The following XIRP2 variants were observed in gnomAD, a reference collection of about 807,000 sequenced individuals.
XIRP2 encodes the protein xin actin-binding repeat-containing protein 2.
In XIRP2, 236 loss-of-function variants were observed where a neutral mutation model predicts 277.0. That is an observed-to-expected ratio of 0.85 (90% CI 0.77 to 0.95). The LOEUF is 0.95. Ranked by LOEUF, XIRP2 falls within the 40% of genes least tolerant of loss-of-function variation. The probability of loss-of-function intolerance (pLI) is 0.00; values close to 1 mark genes in which losing one functional copy is unlikely to be tolerated. For missense variants in XIRP2, 4,640 were observed against 4,157.5 expected, an observed-to-expected ratio of 1.12 and a Z score of -3.19; for synonymous variants, 1,490 against 1,416.5, an observed-to-expected ratio of 1.05 and a Z score of -1.17.
intron 5 of XIRP2, among the ~76,000 whole-genome samples, chr2:167,224,513 T>C (rs903278362): frequency 2.0e-5 from 3 of 152,126 alleles, no homozygotes; most frequent in South Asian, 2.1e-4. Context: ...CCCAAAGTGC[T>C]GGAATTACAG....
rs74335310 is a variant in XIRP2, at chr2:167,212,515, A to T, written c.723+1620A>T. On this transcript the variant is annotated intron_variant, in intron 4 of 10. Transcript: ENST00000409195. ...GATCCCATTATTTAATACAAAATCAAAAACTTTAGGGCTAATCTCAAAATG... is the reference window on the plus strand; with the variant it reads ...GATCCCATTATTTAATACAAAATCATAAACTTTAGGGCTAATCTCAAAATG... 3.9e-3 allele frequency among the ~76,000 whole-genome samples: 589 copies of T among 152,266 alleles called. 5 individuals carry two copies. Among genetic ancestry groups the T allele is most frequent in the African/African-American group, 0.013 (558 of 41,588 alleles).
rs757783421 is a variant in XIRP2, at chr2:167,249,182, C to T, written c.7790C>T (p.Ser2597Phe). The T allele has an allele frequency of 1.9e-6, 3 of 1,613,496 alleles. No homozygotes were observed. The highest frequency in any genetic ancestry group is 2.5e-6 in the Non-Finnish European group (3 of 1,179,748). ...TTACAAAAAACCAATGAGGAGGTTT[C>T]CCTATCTGGAATTGATTCAGAATGC... is the stretch of plus-strand genomic sequence containing the variant. ...MPLQKTNEEVSLSGIDSECTV... is the reference protein window; with the variant it reads ...MPLQKTNEEVFLSGIDSECTV... Residue 2597 changes from serine to phenylalanine, a missense_variant, in exon 9 of 11, where the codon TCC (serine) becomes TTC (phenylalanine). Physicochemically the swap from Ser to Phe is radical, Grantham distance 155 (BLOSUM62 -2). Transcript: ENST00000409195.
At position 167,245,977 on chromosome 2, in the gene XIRP2, T is replaced by C. The variant is rs1559040390; in HGVS notation, c.4585T>C (p.Phe1529Leu). 6.2e-7 allele frequency: 1 copy of C among 1,613,480 alleles called. No individual in the cohort carries two copies. Among genetic ancestry groups the C allele is most frequent in the Non-Finnish European group, 8.5e-7 (1 of 1,179,700 alleles). ...PSDVKTTTWL[F>L]ETTPLHEFNE... ...TGATGTCAAAACAACCACATGGCTC[T>C]TTGAAACAACACCACTTCATGAATT... Residue 1529 changes from phenylalanine (F) to leucine (L), a missense_variant, in exon 9 of 11, where the codon TTT becomes CTT. Transcript: ENST00000409195.
rs562113994 is a variant in XIRP2, at chr2:167,221,043, T to A, written c.858+2743T>A. ...ATGTTAATAATATCCGATAATTCCA[T>A]GAGGATTGAATAAAGTTAAGCCATA... On this transcript the variant is annotated intron_variant, in intron 5 of 10. Coordinates refer to ENST00000409195, the MANE Select transcript of XIRP2 (RefSeq NM_152381.6). 2.6e-5 allele frequency among the ~76,000 whole-genome samples: 4 copies of A among 152,216 alleles called. No individual in the cohort carries two copies. In the South Asian group the frequency reaches 8.3e-4, roughly 32 times the overall value.
At chr2:167,052,080 A>G (rs1465239742) in intron 2 of XIRP2, among the ~76,000 whole-genome samples, 2 of 152,094 alleles carry the variant, frequency 1.3e-5, no homozygotes, top group African/African-American at 4.8e-5. Context: ...TCACTTCAGA[A>G]AAAAAGATAA....
chr2:167,037,360 C>T (rs1382357620), intron 2 of XIRP2, among the ~76,000 whole-genome samples: 2 of 152,144 alleles, frequency 1.3e-5, no homozygotes, highest in Non-Finnish European at 2.9e-5. Flanking sequence ...AAATATTCAA[C>T]TCACATAAGG....
chr2:167,201,262 G>GAA (rs1186847570), intron 3 of XIRP2, among the ~76,000 whole-genome samples: 19 of 95,646 alleles, frequency 2.0e-4, no homozygotes, highest in African/African-American at 1.3e-3. Context: ...AAGAAAGAAA[G>GAA]AGAGAGGGAG....
At chr2:167,144,634 A>G (rs1691814726) in intron 3 of XIRP2, among the ~76,000 whole-genome samples, 1 of 152,130 alleles carries the variant, frequency 6.6e-6, no homozygotes, top group South Asian at 2.1e-4. Context: ...TGATAAGACC[A>G]TTGCTTTCCA....
At chr2:167,228,570 A>G (rs1170608171) in intron 5 of XIRP2, among the ~76,000 whole-genome samples, 1 of 152,116 alleles carries the variant, frequency 6.6e-6, no homozygotes, top group Non-Finnish European at 1.5e-5. Context: ...AAAAAAACTA[A>G]GTACACTAAT....
At chr2:167,253,335 G>A (rs537583687) in intron 9 of XIRP2, among the ~76,000 whole-genome samples, 19 of 151,946 alleles carry the variant, frequency 1.3e-4, no homozygotes, top group African/African-American at 4.6e-4. Context: ...AGCAAGAAAA[G>A]ATGTAGGAAA....
chr2:166,938,501 T>A (rs973596291), intron 2 of XIRP2, among the ~76,000 whole-genome samples: 2 of 152,106 alleles, frequency 1.3e-5, no homozygotes, highest in South Asian at 2.1e-4. Flanking sequence ...TGCTGAGGAG[T>A]GCTTTACTTC....
At chr2:167,116,696 T>A (rs1444804297) in intron 2 of XIRP2, among the ~76,000 whole-genome samples, 2 of 152,338 alleles carry the variant, frequency 1.3e-5, no homozygotes, top group East Asian at 3.9e-4. Flanking sequence ...CTGTCTTTCA[T>A]CTTGTATTAG....
intron 3 of XIRP2, among the ~76,000 whole-genome samples, chr2:167,189,272 A>T (rs1693254001): frequency 6.6e-6 from 1 of 152,144 alleles, no homozygotes; most frequent in African/African-American, 2.4e-5. Context: ...TCTCTCTCAC[A>T]CACACACATA....
chr2:167,068,450 A>T (rs962306926), intron 2 of XIRP2, among the ~76,000 whole-genome samples: 1 of 152,178 alleles, frequency 6.6e-6, no homozygotes, highest in Non-Finnish European at 1.5e-5. Context: ...TACAAGAATA[A>T]GTTTTGTTTC....
chr2:167,215,120 C>T (rs1573965299), intron 4 of XIRP2, among the ~76,000 whole-genome samples: 1 of 152,152 alleles, frequency 6.6e-6, no homozygotes, highest in South Asian at 2.1e-4. Context: ...TCCAGGAAAG[C>T]CACTTATATA....
chr2:166,920,695 T>C (rs1362435697), intron 2 of XIRP2, among the ~76,000 whole-genome samples: 1 of 152,184 alleles, frequency 6.6e-6, no homozygotes, highest in Non-Finnish European at 1.5e-5. Context: ...AGAAAAATTA[T>C]TGAACATTCA....
At chr2:167,231,152 C>A (rs747543930) in intron 5 of XIRP2, among the ~76,000 whole-genome samples, 5 of 151,932 alleles carry the variant, frequency 3.3e-5, no homozygotes, top group Non-Finnish European at 5.9e-5. Context: ...AGATCCAAGC[C>A]AGATCTGTTT....
intron 5 of XIRP2, among the ~76,000 whole-genome samples, chr2:167,219,894 G>T (rs879478501): frequency 1.3e-5 from 2 of 152,096 alleles, no homozygotes; most frequent in Non-Finnish European, 2.9e-5. Flanking sequence ...CTTGATATTG[G>T]TTAAGACTCT....
At chr2:167,197,671 C>T (rs1693557359) in intron 3 of XIRP2, among the ~76,000 whole-genome samples, 1 of 152,048 alleles carries the variant, frequency 6.6e-6, no homozygotes, top group Non-Finnish European at 1.5e-5. Context: ...GCATTTCTGG[C>T]CACTGTGTGG....
Sources: gnomAD v4.1 joint callset for allele counts (sites outside exome capture counted in the v4.1 genomes callset) on GRCh38, gnomAD v4.1.1 for gene constraint, MANE v1.5 for transcripts, NCBI Gene and HGNC (gene_info 2026-07-23, HGNC 2026-07-21) for gene names.